Variants in DLGAP2 observed in about 807,000 individuals in gnomAD.
DLGAP2 encodes DLG associated protein 2, also known as disks large-associated protein 2.
DLGAP2 carries 26 observed loss-of-function variants against 100.3 expected under a neutral mutation model. The observed-to-expected ratio is 0.26, with a 90% CI of 0.19 to 0.36. DLGAP2 has a LOEUF of 0.36. Ranked by LOEUF, DLGAP2 falls within the 10% of genes least tolerant of loss-of-function variation. The probability of loss-of-function intolerance (pLI) is 1.00; values close to 1 mark genes in which losing one functional copy is unlikely to be tolerated. For synonymous variants in DLGAP2, 886 were observed against 630.1 expected, an observed-to-expected ratio of 1.41 and a Z score of -6.08; for missense variants, 1,858 against 1,453.2, an observed-to-expected ratio of 1.28 and a Z score of -4.53.
intron 6 of DLGAP2, among the ~76,000 whole-genome samples, chr8:1,606,412 C>T (rs1796801524): frequency 6.6e-6 from 1 of 152,134 alleles, no homozygotes; most frequent in Non-Finnish European, 1.5e-5. Flanking sequence ...TCCCCACTTC[C>T]CCTAACTCCT....
chr8:1,233,641 G>T (rs1798583041), intron 2 of DLGAP2, among the ~76,000 whole-genome samples: 1 of 152,156 alleles, frequency 6.6e-6, no homozygotes, highest in South Asian at 2.1e-4. Flanking sequence ...GGCAAGACTT[G>T]CTAAGCTTCG....
intron 3 of DLGAP2, among the ~76,000 whole-genome samples, chr8:1,333,501 G>T (rs1004259626): frequency 2.0e-5 from 3 of 152,034 alleles, no homozygotes; most frequent in South Asian, 2.1e-4. Context: ...CTCTTCCACA[G>T]ACAGGGGTTC....
At chr8:1,332,387 TAG>T (rs1491424820) in intron 3 of DLGAP2, among the ~76,000 whole-genome samples, 1 of 151,962 alleles carries the variant, frequency 6.6e-6, no homozygotes, top group Non-Finnish European at 1.5e-5. Flanking sequence ...ACATGTGTGT[TAG>T]TGTGTGTCTG....
At chr8:952,270 C>A (rs540907963) in intron 2 of DLGAP2, among the ~76,000 whole-genome samples, 1 of 152,288 alleles carries the variant, frequency 6.6e-6, no homozygotes, top group East Asian at 1.9e-4. Context: ...GAGCTTAGGA[C>A]CTCTTGATGC....
intron 1 of DLGAP2, among the ~76,000 whole-genome samples, chr8:850,713 A>C (rs1312765954): frequency 6.6e-6 from 1 of 152,222 alleles, no homozygotes; most frequent in African/African-American, 2.4e-5. Context: ...TTATAATAGC[A>C]TGAAATTTTA....
chr8:1,297,054 A>G (rs1307869094), intron 3 of DLGAP2: 1 of 152,326 alleles, frequency 6.6e-6, no homozygotes, highest in Non-Finnish European at 1.5e-5. Context: ...CCTGGCACAG[A>G]GCAGGTTCCC....
intron 1 of DLGAP2, chr8:822,059 C>T (rs530988670): frequency 3.8e-5 from 15 of 398,960 alleles, no homozygotes; most frequent in African/African-American, 3.1e-4. Flanking sequence ...CTTTTTATCA[C>T]ATTTTCCCCA....
chr8:1,698,406 C>T (rs899150589), intron 14 of DLGAP2, among the ~76,000 whole-genome samples: 1 of 151,238 alleles, frequency 6.6e-6, no homozygotes, highest in Non-Finnish European at 1.5e-5. Flanking sequence ...TGGGACTAGG[C>T]AGGTCCAAGT....
intron 2 of DLGAP2, among the ~76,000 whole-genome samples, chr8:979,448 T>C (rs994551679): frequency 6.6e-6 from 1 of 152,218 alleles, no homozygotes; most frequent in African/African-American, 2.4e-5. Flanking sequence ...GACACAGTGA[T>C]CTTGTTCCCA....
At chr8:1,460,673 TG>T (rs540055758) in intron 3 of DLGAP2, among the ~76,000 whole-genome samples, 17 of 152,320 alleles carry the variant, frequency 1.1e-4, no homozygotes, top group African/African-American at 3.1e-4. Context: ...ATATATTAGA[TG>T]GGGGTAACAT....
intron 3 of DLGAP2, among the ~76,000 whole-genome samples, chr8:1,359,257 C>G (rs555457769): frequency 1.6e-4 from 24 of 152,330 alleles, no homozygotes; most frequent in African/African-American, 5.8e-4. Context: ...CCCTTCTCCT[C>G]GCTGCCCTCC....
At chr8:1,191,456 C>T (rs949765431) in intron 2 of DLGAP2, among the ~76,000 whole-genome samples, 43 of 152,286 alleles carry the variant, frequency 2.8e-4, no homozygotes, top group South Asian at 1.7e-3. Context: ...AGGCGTGAGC[C>T]ACCGCGCCCA....
At chr8:1,663,595 G>C (rs1425744682) in intron 8 of DLGAP2, among the ~76,000 whole-genome samples, 1 of 152,152 alleles carries the variant, frequency 6.6e-6, no homozygotes, top group Non-Finnish European at 1.5e-5. Context: ...CACAGATTTT[G>C]CAGGAAAGGA....
At chr8:1,590,842 C>G (rs911966884) in intron 6 of DLGAP2, among the ~76,000 whole-genome samples, 4 of 152,258 alleles carry the variant, frequency 2.6e-5, no homozygotes, top group Middle Eastern at 6.8e-3. Flanking sequence ...ATCCCTGAGC[C>G]CCACCCCTGG....
intron 3 of DLGAP2, among the ~76,000 whole-genome samples, chr8:1,261,547 C>G (rs1200020073): frequency 1.1e-5 from 1 of 93,436 alleles, no homozygotes; most frequent in East Asian, 2.9e-4. Flanking sequence ...GGCTCTCCAG[C>G]CGAGGGTGGG....
At chr8:812,129 C>G (rs763112282) in intron 1 of DLGAP2, among the ~76,000 whole-genome samples, 2 of 152,132 alleles carry the variant, frequency 1.3e-5, no homozygotes, top group African/African-American at 4.8e-5. Context: ...AGATTTAATG[C>G]GAGGAAGTGG....
chr8:1,435,929 G>A (rs1030089607), intron 3 of DLGAP2, among the ~76,000 whole-genome samples: 1 of 152,062 alleles, frequency 6.6e-6, no homozygotes, highest in African/African-American at 2.4e-5. Flanking sequence ...TATAGAATAA[G>A]AATATAAAGA....
At chr8:1,495,632 G>T (rs997655295) in intron 3 of DLGAP2, among the ~76,000 whole-genome samples, 2 of 152,218 alleles carry the variant, frequency 1.3e-5, no homozygotes, top group African/African-American at 2.4e-5. Context: ...CCTCTTCCTG[G>T]AGGACCCTGG....
intron 2 of DLGAP2, among the ~76,000 whole-genome samples, chr8:1,123,831 A>G (rs1307096421): frequency 6.6e-6 from 1 of 152,082 alleles, no homozygotes; most frequent in African/African-American, 2.4e-5. Flanking sequence ...TCAAGGATTA[A>G]CCTCACCTTT....
Sources: allele counts gnomAD v4.1 joint callset (sites outside exome capture counted in the v4.1 genomes callset), GRCh38; gene constraint gnomAD v4.1.1; transcripts MANE v1.5; gene names NCBI Gene and HGNC (gene_info 2026-07-23, HGNC 2026-07-21).